Variants in SAMMSON observed in about 807,000 individuals in gnomAD.
SAMMSON encodes the protein long intergenic non-protein coding RNA 1212.
chr3:70,395,908 C>G (rs1235009798), intron 2 of SAMMSON, among the ~76,000 whole-genome samples: 2 of 152,112 alleles, frequency 1.3e-5, no homozygotes, highest in Admixed American at 1.3e-4. Context: ...GGGTCTGAAC[C>G]TCAGCTCATC....
intron 4 of SAMMSON, chr3:70,205,046 CAG>C (rs1384224782): frequency 2.6e-5 from 4 of 152,088 alleles, no homozygotes; most frequent in African/African-American, 9.7e-5. Flanking sequence ...ATCCTGAATT[CAG>C]AGTCATAATC....
chr3:70,340,594 G>T (rs747425265), intron 7 of SAMMSON, among the ~76,000 whole-genome samples: 1 of 152,058 alleles, frequency 6.6e-6, no homozygotes, highest in Non-Finnish European at 1.5e-5. Flanking sequence ...TTTATTGTGT[G>T]TTAGGTATAT....
intron 3 of SAMMSON, among the ~76,000 whole-genome samples, chr3:70,058,509 C>A (rs1244419247): frequency 1.3e-5 from 2 of 151,996 alleles, no homozygotes; most frequent in Non-Finnish European, 2.9e-5. Context: ...TAATGTATGT[C>A]CTGGACCCAG....
At chr3:70,290,135 T>A (rs1221854601) in intron 6 of SAMMSON, among the ~76,000 whole-genome samples, 1 of 152,210 alleles carries the variant, frequency 6.6e-6, no homozygotes. Context: ...GGAGAGGCGC[T>A]CTGCTTTTTA....
At chr3:70,215,690 T>C (rs1189738954) in intron 4 of SAMMSON, among the ~76,000 whole-genome samples, 2 of 152,144 alleles carry the variant, frequency 1.3e-5, no homozygotes, top group Non-Finnish European at 2.9e-5. Flanking sequence ...CTCTCCTTTC[T>C]GTTGTGAACT....
intron 3 of SAMMSON, among the ~76,000 whole-genome samples, chr3:70,033,385 G>C (rs2067072464): frequency 6.6e-6 from 1 of 151,998 alleles, no homozygotes; most frequent in Non-Finnish European, 1.5e-5. Flanking sequence ...GGAGGGATTT[G>C]TTCATGGTGT....
At position 70,190,508 on chromosome 3, in the gene SAMMSON, G is replaced by A. The variant is rs555871890; in HGVS notation, n.508-58599G>A. 7.2e-5 allele frequency among the ~76,000 whole-genome samples: 11 copies of A among 152,306 alleles called. No homozygotes were observed. The East Asian group carries it at 9.6e-4, about 13-fold the overall frequency. The stretch of plus-strand genomic sequence containing the variant: ...AGGTCTTACCTGAAGTTGGGCAGTA[G>A]CCTCCTACCTGGCCACCTAATTGGT... On this transcript the variant is annotated intron_variant and non_coding_transcript_variant, in intron 4 of 9. Coordinates refer to ENST00000642114, the Ensembl canonical transcript of SAMMSON.
At chr3:70,028,145 TC>T (rs2067049407) in intron 3 of SAMMSON, among the ~76,000 whole-genome samples, 2 of 37,864 alleles carry the variant, frequency 5.3e-5, no homozygotes, top group Non-Finnish European at 1.7e-4. Flanking sequence ...CTTCCTTCTT[TC>T]CTTCCTTCCT....
chr3:70,310,758 A>C (rs1208034987), intron 7 of SAMMSON, among the ~76,000 whole-genome samples: 1 of 152,196 alleles, frequency 6.6e-6, no homozygotes, highest in African/African-American at 2.4e-5. Context: ...TGTTGATTTC[A>C]ACACTGTAGG....
At chr3:70,290,173 T>C (rs574220140) in intron 6 of SAMMSON, among the ~76,000 whole-genome samples, 22 of 152,330 alleles carry the variant, frequency 1.4e-4, no homozygotes, top group African/African-American at 5.1e-4. Flanking sequence ...GTTCTGTTTT[T>C]TCCCCATCTT....
intron 4 of SAMMSON, among the ~76,000 whole-genome samples, chr3:70,124,836 A>AAAAAAAAAC (rs1559519155): frequency 1.3e-5 from 2 of 148,898 alleles, no homozygotes; most frequent in African/African-American, 5.0e-5. Context: ...AAAAAAAAAA[A>AAAAAAAAAC]AAAGAAAGAA....
At chr3:70,181,292 T>C (rs1309127003) in intron 4 of SAMMSON, among the ~76,000 whole-genome samples, 1 of 152,118 alleles carries the variant, frequency 6.6e-6, no homozygotes, top group African/African-American at 2.4e-5. Context: ...GAGAGGACAT[T>C]TATATTTTAA....
intron 3 of SAMMSON, among the ~76,000 whole-genome samples, chr3:70,027,694 A>T (rs60647884): frequency 0.4 from 61,243 of 151,934 alleles, 12,802 homozygotes; most frequent in East Asian, 0.62. Flanking sequence ...CTATTCTTAG[A>T]CCCATTCATC....
intron 4 of SAMMSON, among the ~76,000 whole-genome samples, chr3:70,119,337 G>C (rs2067423938): frequency 6.6e-6 from 1 of 152,214 alleles, no homozygotes; most frequent in Non-Finnish European, 1.5e-5. Context: ...AAAGTGCTGG[G>C]ATTACAGGCG....
chr3:70,133,970 G>A (rs1354259214), intron 4 of SAMMSON, among the ~76,000 whole-genome samples: 3 of 151,880 alleles, frequency 2.0e-5, no homozygotes, highest in Non-Finnish European at 1.5e-5. Context: ...TGGGCCAGGT[G>A]CGGTGGCTTA....
intron 4 of SAMMSON, chr3:70,172,272 T>C (rs1302424357): frequency 3.6e-5 from 1 of 27,498 alleles, no homozygotes; most frequent in Admixed American, 3.6e-4. Context: ...ATTAGTGGTC[T>C]TTTTTTTTTT....
At chr3:70,257,493 G>A (rs1372323359) in intron 6 of SAMMSON, among the ~76,000 whole-genome samples, 1 of 152,002 alleles carries the variant, frequency 6.6e-6, no homozygotes, top group Non-Finnish European at 1.5e-5. Flanking sequence ...GGGAGGAAGG[G>A]AAAGAAGGGA....
intron 4 of SAMMSON, among the ~76,000 whole-genome samples, chr3:70,150,779 A>C (rs1200670895): frequency 6.6e-6 from 1 of 152,096 alleles, no homozygotes; most frequent in Non-Finnish European, 1.5e-5. Flanking sequence ...AAACGTGCAT[A>C]TGAAGAGAAG....
At chr3:70,283,991 A>G (rs1338434935) in intron 6 of SAMMSON, 1 of 152,092 alleles carries the variant, frequency 6.6e-6, no homozygotes, top group African/African-American at 2.4e-5. Context: ...CCCTACTGTC[A>G]TACAGAAGGG....
Sources: gnomAD v4.1 joint callset for allele counts (sites outside exome capture counted in the v4.1 genomes callset) on GRCh38, gnomAD v4.1.1 for gene constraint, MANE v1.5 for transcripts, NCBI Gene and HGNC (gene_info 2026-07-23, HGNC 2026-07-21) for gene names.